CNTN4: variants seen among roughly 807,000 people sequenced by gnomAD.
The protein encoded by CNTN4 is contactin-4.
In CNTN4, 77 loss-of-function variants were observed where a neutral mutation model predicts 122.5. The observed-to-expected ratio is 0.63, with a 90% confidence interval of 0.52 to 0.76. CNTN4 has a LOEUF of 0.76. Ranked by LOEUF, CNTN4 falls within the 30% of genes least tolerant of loss-of-function variation. The pLI, the probability that CNTN4 is intolerant of heterozygous loss-of-function variation, is 0.00. For synonymous variants in CNTN4, 512 were observed against 447.0 expected (o/e 1.15, Z -1.83); for missense variants, 1,256 against 1,259.1 (o/e 1.00, Z 0.04).
At chr3:2,277,177 C>G (rs867978452) in intron 2 of CNTN4, among the ~76,000 whole-genome samples, 2 of 152,102 alleles carry the variant, frequency 1.3e-5, no homozygotes, top group Admixed American at 1.3e-4. Flanking sequence ...TTCATAAAAT[C>G]TTAGCATCCT....
intron 6 of CNTN4, among the ~76,000 whole-genome samples, chr3:2,763,041 A>G (rs2090666774): frequency 6.8e-6 from 1 of 146,692 alleles, no homozygotes; most frequent in African/African-American, 2.5e-5. Flanking sequence ...TCCCGGGTTC[A>G]TGCCATTCTC....
chr3:2,935,464 C>T lies in CNTN4; in HGVS notation c.1358+9685C>T, dbSNP rs558127995. Among the ~76,000 whole-genome samples, 8 of 152,288 alleles carry T rather than the reference C, an allele frequency of 5.3e-5. No homozygotes were observed. The South Asian group carries it at 1.7e-3, about 32-fold the overall frequency. ...TGAATTTTGCAATGATTCAACCAAC[C>T]TCTTAAATGATTTCATTGGAACCAG... On this transcript the variant is annotated intron_variant, in intron 13 of 24. Transcript: ENST00000418658.
chr3:2,691,612 C>T (rs1559392548), intron 4 of CNTN4, among the ~76,000 whole-genome samples: 1 of 152,154 alleles, frequency 6.6e-6, no homozygotes, highest in Admixed American at 6.6e-5. Flanking sequence ...CTAGTCCTTG[C>T]ACAATAATAT....
intron 4 of CNTN4, among the ~76,000 whole-genome samples, chr3:2,600,398 T>A (rs1254800422): frequency 6.6e-6 from 1 of 152,104 alleles, no homozygotes. Context: ...CCCCTTCCTG[T>A]GTCCAAGTGT....
intron 2 of CNTN4, among the ~76,000 whole-genome samples, chr3:2,215,594 TC>T (rs2038800402): frequency 6.6e-6 from 1 of 152,024 alleles, no homozygotes; most frequent in Admixed American, 6.6e-5. Flanking sequence ...TGTTAAGAGT[TC>T]CCTTAGGCTG....
At chr3:2,434,714 A>G (rs2616573) in intron 3 of CNTN4, among the ~76,000 whole-genome samples, 4 of 152,130 alleles carry the variant, frequency 2.6e-5, no homozygotes, top group African/African-American at 7.2e-5. Context: ...AAAGTTCTCT[A>G]TGACTACAAT....
intron 2 of CNTN4, among the ~76,000 whole-genome samples, chr3:2,284,979 T>C (rs2041850508): frequency 6.6e-6 from 1 of 151,950 alleles, no homozygotes; most frequent in Non-Finnish European, 1.5e-5. Flanking sequence ...TAGGATAGTT[T>C]TTATTCTCTC....
intron 3 of CNTN4, among the ~76,000 whole-genome samples, chr3:2,562,345 T>C (rs6778045): frequency 0.097 from 14,684 of 152,090 alleles, 2,299 homozygotes; most frequent in African/African-American, 0.33. Flanking sequence ...GTGAGCATAG[T>C]ACCCAATAAG....
chr3:2,512,192 A>G (rs553432455), intron 3 of CNTN4, among the ~76,000 whole-genome samples: 10 of 152,278 alleles, frequency 6.6e-5, no homozygotes, highest in East Asian at 1.9e-4. Flanking sequence ...TTTCAGTTGC[A>G]TGCTGTTTAG....
intron 13 of CNTN4, among the ~76,000 whole-genome samples, chr3:2,954,138 C>A (rs994643766): frequency 1.6e-4 from 24 of 152,082 alleles, no homozygotes; most frequent in Non-Finnish European, 3.1e-4. Context: ...TAAACCTAAC[C>A]TAAGGGAAAT....
At position 3,026,235 on chromosome 3, in the gene CNTN4, A is replaced by T. The variant is rs758785859; in HGVS notation, c.1620A>T (p.Ile540=). 6.2e-7 allele frequency: 1 copy of T among 1,613,404 alleles called. No homozygotes were observed. Among genetic ancestry groups the T allele is most frequent in the Non-Finnish European group, 8.5e-7 (1 of 1,179,556 alleles). Reference sequence around the variant, plus strand: ...CTTGGTCATTTAATGGACACCTGATAGACTTTGACAGAGATGGGGACCACT... The same window carrying T: ...CTTGGTCATTTAATGGACACCTGATTGACTTTGACAGAGATGGGGACCACT... ...VFTWSFNGHL[I]DFDRDGDHFE... The change falls in exon 15 of 25, where the codon ATA becomes ATT. Residue 540 remains isoleucine (I), a synonymous_variant. Transcript: ENST00000418658.
intron 4 of CNTN4, among the ~76,000 whole-genome samples, chr3:2,656,592 G>A (rs4583635): frequency 0.15 from 22,432 of 152,216 alleles, 1,720 homozygotes; most frequent in Admixed American, 0.2. Flanking sequence ...CATTTGGTGA[G>A]TGAATTAATG....
chr3:2,122,689 C>T (rs2033881860), intron 2 of CNTN4, among the ~76,000 whole-genome samples: 1 of 152,088 alleles, frequency 6.6e-6, no homozygotes, highest in African/African-American at 2.4e-5. Context: ...TCCAGATTGC[C>T]CTGCAAAGAA....
At chr3:2,537,554 C>G (rs1161809862) in intron 3 of CNTN4, among the ~76,000 whole-genome samples, 1 of 152,100 alleles carries the variant, frequency 6.6e-6, no homozygotes, top group Non-Finnish European at 1.5e-5. Context: ...AAACTGTCCA[C>G]TGTTCACATT....
In CNTN4 at chr3:2,887,665, G is replaced by A. The variant is rs544440887; in HGVS notation, c.940+441G>A. On this transcript the variant is annotated intron_variant, in intron 10 of 24. Coordinates refer to ENST00000418658, the MANE Select transcript of CNTN4 (RefSeq NM_175607.3). ...TCCTATTTGTTAGCAATTTAATGTGGTACCATGAACATTTCAAAATGCACA... is the reference window on the plus strand; with the variant it reads ...TCCTATTTGTTAGCAATTTAATGTGATACCATGAACATTTCAAAATGCACA... Among the ~76,000 whole-genome samples the A allele has an allele frequency of 8.6e-5, 13 of 151,808 alleles. No homozygotes were observed. In the East Asian group the frequency reaches 1.9e-3, roughly 23 times the overall value.
intron 2 of CNTN4, among the ~76,000 whole-genome samples, chr3:2,251,680 G>GTTA (rs958238196): frequency 1.5e-4 from 23 of 151,592 alleles, no homozygotes; most frequent in African/African-American, 5.6e-4. Context: ...AGGGTGGCAT[G>GTTA]TTACCAAAAA....
intron 3 of CNTN4, among the ~76,000 whole-genome samples, chr3:2,393,585 G>A (rs902603072): frequency 6.6e-6 from 1 of 151,868 alleles, no homozygotes; most frequent in Admixed American, 6.6e-5. Context: ...ATGTGTGTAC[G>A]GGCCTAACAA....
intron 3 of CNTN4, among the ~76,000 whole-genome samples, chr3:2,508,455 G>A (rs2076795143): frequency 6.6e-6 from 1 of 152,146 alleles, no homozygotes; most frequent in Non-Finnish European, 1.5e-5. Context: ...TATTGATTAA[G>A]CCTCAAACTG....
At chr3:2,833,182 A>G (rs748031339) in intron 7 of CNTN4, among the ~76,000 whole-genome samples, 1 of 152,222 alleles carries the variant, frequency 6.6e-6, no homozygotes, top group South Asian at 2.1e-4. Flanking sequence ...ACAAGAAAAC[A>G]TGGATTCTAT....
Sources: gnomAD v4.1 joint callset for allele counts (sites outside exome capture counted in the v4.1 genomes callset) on GRCh38, gnomAD v4.1.1 for gene constraint, MANE v1.5 for transcripts, NCBI Gene and HGNC (gene_info 2026-07-23, HGNC 2026-07-21) for gene names.